The following CWH43 variants were observed in gnomAD, a reference collection of about 807,000 sequenced individuals.
The protein encoded by CWH43 is cell wall biogenesis 43 C-terminal homolog, also known as PGAP2-interacting protein.
CWH43 carries 91 observed loss-of-function variants against 85.7 expected under a neutral mutation model. That is an observed-to-expected ratio of 1.06 (90% CI 0.90 to 1.26). The LOEUF is 1.26. CWH43 is among the 50% of genes most tolerant of loss of function. The pLI, the probability that CWH43 is intolerant of heterozygous loss-of-function variation, is 0.00. For missense variants in CWH43, 869 were observed against 839.2 expected (o/e 1.04, Z -0.44); for synonymous variants, 323 against 293.6 (o/e 1.10, Z -1.02).
At chr4:49,049,672 C>T (rs774351556) in intron 14 of CWH43, among the ~76,000 whole-genome samples, 10 of 152,186 alleles carry the variant, frequency 6.6e-5, no homozygotes, top group Non-Finnish European at 1.3e-4. Flanking sequence ...AAGCATATTT[C>T]CACCTCAGGA....
intron 14 of CWH43, among the ~76,000 whole-genome samples, chr4:49,049,345 G>A (rs1259781278): frequency 2.0e-5 from 3 of 152,040 alleles, no homozygotes; most frequent in African/African-American, 2.4e-5. Context: ...TTTGTTTTAA[G>A]TTTTTCTCTT....
At chr4:49,059,923 T>C (rs1202062537) in intron 15 of CWH43, among the ~76,000 whole-genome samples, 1 of 152,100 alleles carries the variant, frequency 6.6e-6, no homozygotes, top group Non-Finnish European at 1.5e-5. Context: ...CCTGGATCCA[T>C]TGGGATAGAT....
At chr4:49,051,095 C>T (rs1784782484) in intron 15 of CWH43, among the ~76,000 whole-genome samples, 1 of 152,154 alleles carries the variant, frequency 6.6e-6, no homozygotes, top group Non-Finnish European at 1.5e-5. Flanking sequence ...TCATTATCAT[C>T]ATGAACATCA....
Position 48,998,404 on chromosome 4 carries a change from C to T in CWH43, c.714-56C>T, listed in dbSNP as rs1296312493. On this transcript the variant is annotated intron_variant, in intron 5 of 15. Coordinates refer to ENST00000226432, the MANE Select transcript of CWH43 (RefSeq NM_025087.3). Reference sequence around the variant, plus strand: ...GGGAGGTATATTTCTATTTTATATTCGGGATGATGAAATATTACTAATGTC... The same window carrying T: ...GGGAGGTATATTTCTATTTTATATTTGGGATGATGAAATATTACTAATGTC... 14 of 1,302,678 alleles carry T rather than the reference C, an allele frequency of 1.1e-5. No homozygotes were observed. The Admixed American group carries it at 1.5e-4, about 14-fold the overall frequency. 80.7% of individuals were successfully genotyped at this position (1,302,678 alleles called of 1,614,324 possible). A position where few individuals can be genotyped will look rare whatever the true frequency, so the allele number is the denominator to read the frequency against.
At chr4:49,025,184 C>A (rs756427150) in intron 9 of CWH43, among the ~76,000 whole-genome samples, 15 of 151,756 alleles carry the variant, frequency 9.9e-5, no homozygotes, top group Non-Finnish European at 2.2e-4. Context: ...CTAAGCGTGT[C>A]CATTTCTAGA....
chr4:49,002,183 G>C (rs1783011650), intron 6 of CWH43, among the ~76,000 whole-genome samples: 2 of 152,214 alleles, frequency 1.3e-5, no homozygotes, highest in South Asian at 4.1e-4. Context: ...CATAAGAGTT[G>C]TGTTGCTAGG....
chr4:49,057,398 T>C (rs894626938), intron 15 of CWH43, among the ~76,000 whole-genome samples: 1 of 152,214 alleles, frequency 6.6e-6, no homozygotes, highest in Non-Finnish European at 1.5e-5. Flanking sequence ...TCTTTTGAGT[T>C]TCTGATTAGC....
At chr4:49,052,406 C>T (rs1374966765) in intron 15 of CWH43, among the ~76,000 whole-genome samples, 1 of 152,088 alleles carries the variant, frequency 6.6e-6, no homozygotes, top group African/African-American at 2.4e-5. Flanking sequence ...GTATGAATGG[C>T]ACAAAAAGTT....
At chr4:48,999,169 T>C (rs1205873730) in intron 6 of CWH43, among the ~76,000 whole-genome samples, 3 of 152,214 alleles carry the variant, frequency 2.0e-5, no homozygotes, top group Admixed American at 6.5e-5. Context: ...AATGATAACA[T>C]GCAGCATTTG....
chr4:49,054,554 GA>G (rs1784895037), intron 15 of CWH43, among the ~76,000 whole-genome samples: 2 of 152,062 alleles, frequency 1.3e-5, no homozygotes. Flanking sequence ...AATGTCATTG[GA>G]ATTTTGATAA....
chr4:49,036,945 A>C (rs546336597), intron 12 of CWH43, among the ~76,000 whole-genome samples: 1 of 152,216 alleles, frequency 6.6e-6, no homozygotes, highest in African/African-American at 2.4e-5. Flanking sequence ...GGACTCTGAT[A>C]ATATCACCTC....
At position 48,986,429 on chromosome 4, in the gene CWH43, G is replaced by A. The variant is rs1041690961; in HGVS notation, c.-1G>A. On this transcript the variant is annotated 5_prime_UTR_variant, in exon 1 of 16. Transcript: ENST00000226432. ...GGAAAGCGCTGCCCCTCGCCGCGGC[G>A]ATGCCCTCGCTGTGGAGAGAAATCC... 6.5e-7 allele frequency: 1 copy of A among 1,546,648 alleles called. No homozygotes were observed. The highest frequency in any genetic ancestry group is 8.8e-7 in the Non-Finnish European group (1 of 1,141,896).
rs1238005467 is a variant in CWH43 at position 49,028,619 on chromosome 4, A to T, written c.1267-10A>T. The T allele has an allele frequency of 1.9e-6, 3 of 1,605,180 alleles. No homozygotes were observed. The highest frequency in any genetic ancestry group is 1.7e-5 in the Admixed American group (1 of 59,212). ...AGTCATCCTAAACTACCATTAAAACAATTCCTCAGGCACCAACCAAAGAGG... is the reference window on the plus strand; with the variant it reads ...AGTCATCCTAAACTACCATTAAAACTATTCCTCAGGCACCAACCAAAGAGG... On this transcript the variant is annotated splice_polypyrimidine_tract_variant and intron_variant, in intron 9 of 15. Coordinates refer to ENST00000226432, the MANE Select transcript of CWH43 (RefSeq NM_025087.3).
intron 15 of CWH43, among the ~76,000 whole-genome samples, chr4:49,053,944 A>C (rs1784876843): frequency 6.6e-6 from 1 of 152,122 alleles, no homozygotes; most frequent in Non-Finnish European, 1.5e-5. Flanking sequence ...TTGTAAATAT[A>C]TTCTCTCATC....
chr4:48,998,420 T>C, intron 5 of CWH43, 40 bp from the exon 6 acceptor site: 1 of 1,414,576 alleles, frequency 7.1e-7, no homozygotes, highest in Non-Finnish European at 1.0e-6. Context: ...GATGAAATAT[T>C]ACTAATGTCA....
rs562203178 is a variant in CWH43 at position 48,992,680 on chromosome 4, C to T, written c.511+590C>T. On this transcript the variant is annotated intron_variant, in intron 4 of 15. Coordinates refer to ENST00000226432, the MANE Select transcript of CWH43 (RefSeq NM_025087.3). This position sits in a 1 kb window ranked among gnomAD's most constrained non-coding sequence, Gnocchi z 4.3. Reference sequence around the variant, plus strand: ...TTAGAGTTTGTTTCATAAACCAACCCGAGACTCTTCTAAAAAGAAGGGAGA... The same window carrying T: ...TTAGAGTTTGTTTCATAAACCAACCTGAGACTCTTCTAAAAAGAAGGGAGA... Among the ~76,000 whole-genome samples, 2 of 152,224 alleles carry T rather than the reference C, an allele frequency of 1.3e-5. No individual in the cohort carries two copies. The highest frequency in any genetic ancestry group is 2.1e-4 in the South Asian group (1 of 4,810).
intron 14 of CWH43, among the ~76,000 whole-genome samples, chr4:49,045,858 ATCAT>A (rs1784607810): frequency 6.6e-6 from 1 of 152,162 alleles, no homozygotes; most frequent in Admixed American, 6.6e-5. Context: ...TTAAACATTT[ATCAT>A]TTCTTTGTTG....
intron 9 of CWH43, 36 bp from the exon 10 acceptor site, chr4:49,028,593 C>A: frequency 6.7e-7 from 1 of 1,489,302 alleles, no homozygotes; most frequent in Non-Finnish European, 9.3e-7. Flanking sequence ...CCATTGTTCA[C>A]AGTCATCCTA....
At position 49,060,571 on chromosome 4, in the gene CWH43, A is replaced by C. The variant is rs150093266; in HGVS notation, c.2022-1241A>C. On this transcript the variant is annotated intron_variant, in intron 15 of 15. Coordinates refer to ENST00000226432, the MANE Select transcript of CWH43 (RefSeq NM_025087.3). ...GTGCTTACTTCACTCATTTTACCCT[A>C]TGCAGAGAGTATCTATCTCTCTACT... Among the ~76,000 whole-genome samples the C allele has an allele frequency of 9.7e-4, 148 of 152,222 alleles. 1 individual carries two copies. Among genetic ancestry groups the C allele is most frequent in the African/African-American group, 3.3e-3 (139 of 41,534 alleles).
Sources: gnomAD v4.1 joint callset for allele counts (sites outside exome capture counted in the v4.1 genomes callset) on GRCh38, gnomAD v4.1.1 for gene constraint, Gnocchi (gnomAD v3.1) non-coding constraint, MANE v1.5 for transcripts, NCBI Gene and HGNC (gene_info 2026-07-23, HGNC 2026-07-21) for gene names.